Variants in UBTD2 observed in about 807,000 individuals in gnomAD.
The protein encoded by UBTD2 is ubiquitin domain containing 2.
A neutral mutation model predicts 19.8 loss-of-function variants in UBTD2; 9 were observed. The ratio of observed to expected loss-of-function variants is 0.46; its 90% confidence interval spans 0.27 to 0.79. The LOEUF (loss-of-function observed/expected upper bound fraction) is 0.79, where lower values mean the gene tolerates loss of function less well. Among genes scored for constraint, UBTD2 ranks in the 30% least tolerant of loss-of-function variants. The pLI is 0.14. For synonymous variants in UBTD2, 98 were observed against 103.9 expected, an observed-to-expected ratio of 0.94 and a Z score of 0.35; for missense variants, 250 against 300.4, an observed-to-expected ratio of 0.83 and a Z score of 1.24.
At chr5:172,254,452 A>G (rs1410060279) in intron 1 of UBTD2, 5 of 474,180 alleles carry the variant, frequency 1.1e-5, no homozygotes, top group Non-Finnish European at 7.8e-6. Flanking sequence ...CAGTCCGGAC[A>G]CTGTAAAGGT....
At chr5:172,212,352 C>T in intron 2 of UBTD2, 125 bp from the exon 3 acceptor site, 2 of 1,010,220 alleles carry the variant, frequency 2.0e-6, no homozygotes, top group Non-Finnish European at 2.8e-6. Flanking sequence ...TCACTCTCAG[C>T]TGATCATCAA....
chr5:172,269,440 G>A (rs1046676017), intron 1 of UBTD2, among the ~76,000 whole-genome samples: 3 of 149,606 alleles, frequency 2.0e-5, no homozygotes, highest in East Asian at 2.0e-4. Context: ...GCAGTGAGCC[G>A]AGACTGCACC....
chr5:172,249,819 C>A (rs760626978), intron 1 of UBTD2, among the ~76,000 whole-genome samples: 2 of 152,136 alleles, frequency 1.3e-5, no homozygotes, highest in Non-Finnish European at 2.9e-5. Context: ...GGGGAACCCA[C>A]GTGATCATCT....
chr5:172,214,418 C>G (rs1011038036), intron 2 of UBTD2, among the ~76,000 whole-genome samples: 3 of 152,206 alleles, frequency 2.0e-5, no homozygotes, highest in African/African-American at 7.2e-5. Flanking sequence ...TCCCTCTTCT[C>G]TGTTTAGCCT....
chr5:172,269,727 T>C (rs1424310915), intron 1 of UBTD2, among the ~76,000 whole-genome samples: 1 of 135,684 alleles, frequency 7.4e-6, no homozygotes, highest in African/African-American at 2.8e-5. Context: ...AACAAACATA[T>C]ACATGTGCAT....
chr5:172,244,831 C>G (rs1050439071), intron 1 of UBTD2, among the ~76,000 whole-genome samples: 3 of 151,844 alleles, frequency 2.0e-5, no homozygotes, highest in African/African-American at 7.3e-5. Context: ...CGGGTTCAAG[C>G]GATTCTCATG....
intron 1 of UBTD2, among the ~76,000 whole-genome samples, chr5:172,235,061 T>C (rs1193643833): frequency 1.3e-5 from 2 of 151,462 alleles, no homozygotes; most frequent in East Asian, 1.9e-4. Context: ...CTCAATTCTG[T>C]TATGAATCTA....
rs139664371 is a variant in UBTD2 at position 172,278,297 on chromosome 5, T to C, written c.70+5299A>G. 8.2e-3 allele frequency among the ~76,000 whole-genome samples: 1,240 copies of C among 151,874 alleles called. 77 individuals are homozygous for C. The highest frequency in any genetic ancestry group is 0.078 in the Admixed American group (1,186 of 15,236). On this transcript the variant is annotated intron_variant, in intron 1 of 2. Transcript: ENST00000393792. ...TGAATGGATAAAAAAAAAAGTGGTA[T>C]ATACATGGGCAGGAGTTGGAGACCA...
chr5:172,279,502 T>TAGA (rs1302730949), intron 1 of UBTD2, among the ~76,000 whole-genome samples: 1 of 152,206 alleles, frequency 6.6e-6, no homozygotes, highest in African/African-American at 2.4e-5. Flanking sequence ...AAGGAATGAA[T>TAGA]GTCCAGCATT....
intron 1 of UBTD2, among the ~76,000 whole-genome samples, chr5:172,275,756 GGT>G (rs1755594556): frequency 6.6e-6 from 1 of 152,006 alleles, no homozygotes; most frequent in Admixed American, 6.6e-5. Context: ...CACACTACAT[GGT>G]GACTCCACTT....
chr5:172,223,867 G>T (rs1459395752), intron 2 of UBTD2, among the ~76,000 whole-genome samples: 1 of 152,098 alleles, frequency 6.6e-6, no homozygotes, highest in Non-Finnish European at 1.5e-5. Context: ...ACTTGGAAGA[G>T]AACAAAAGAC....
intron 2 of UBTD2, among the ~76,000 whole-genome samples, chr5:172,215,002 G>T (rs1317045828): frequency 6.6e-6 from 1 of 152,122 alleles, no homozygotes; most frequent in South Asian, 2.1e-4. Flanking sequence ...AGACAGGCAG[G>T]GTAATACAGA....
chr5:172,212,931 G>A (rs1319618235), intron 2 of UBTD2, among the ~76,000 whole-genome samples: 1 of 151,398 alleles, frequency 6.6e-6, no homozygotes, highest in Non-Finnish European at 1.5e-5. Flanking sequence ...CTCCCAAAGA[G>A]CTAGGATTAC....
chr5:172,256,534 T>G (rs1033507719), intron 1 of UBTD2, among the ~76,000 whole-genome samples: 6 of 151,562 alleles, frequency 4.0e-5, no homozygotes, highest in African/African-American at 1.4e-4. Context: ...GCCCAGCTTT[T>G]TTTTTTTTTT....
chr5:172,230,271 A>G (rs973332501), intron 2 of UBTD2, among the ~76,000 whole-genome samples: 1 of 152,208 alleles, frequency 6.6e-6, no homozygotes, highest in African/African-American at 2.4e-5. Context: ...AAGATAATTA[A>G]AAAGTGTAAT....
upstream of UBTD2, chr5:172,283,811 T>A (rs1256613306): frequency 2.8e-6 from 1 of 350,896 alleles, no homozygotes; most frequent in Non-Finnish European, 4.1e-6. This position sits in a 1 kb window ranked among gnomAD's most constrained non-coding sequence, Gnocchi z 4.3. Flanking sequence ...TCCGCCCCCC[T>A]CGCCGCTCCA....
chr5:172,278,281 A>T (rs1755645928), intron 1 of UBTD2, among the ~76,000 whole-genome samples: 1 of 148,094 alleles, frequency 6.8e-6, no homozygotes, highest in Non-Finnish European at 1.5e-5. Flanking sequence ...ATGAATGGAT[A>T]AAAAAAAAAG....
chr5:172,255,953 G>C (rs1416611056), intron 1 of UBTD2, among the ~76,000 whole-genome samples: 1 of 152,108 alleles, frequency 6.6e-6, no homozygotes, highest in Admixed American at 6.6e-5. Context: ...GCCGGGCGTG[G>C]TGGCGGATAC....
intron 1 of UBTD2, among the ~76,000 whole-genome samples, chr5:172,278,816 C>T (rs1305506536): frequency 1.3e-5 from 2 of 152,010 alleles, no homozygotes. Context: ...ACTCTGTCAC[C>T]CAGGCTGGAG....
Sources: gnomAD v4.1 joint callset for allele counts (sites outside exome capture counted in the v4.1 genomes callset) on GRCh38, gnomAD v4.1.1 for gene constraint, Gnocchi (gnomAD v3.1) non-coding constraint, MANE v1.5 for transcripts, NCBI Gene and HGNC (gene_info 2026-07-23, HGNC 2026-07-21) for gene names.